Variants in ADGRG5 observed in about 807,000 individuals in gnomAD.
ADGRG5 encodes adhesion G protein-coupled receptor G5.
A neutral mutation model predicts 53.2 loss-of-function variants in ADGRG5; 37 were observed. That is an observed-to-expected ratio of 0.70 (90% confidence interval 0.53 to 0.91). The LOEUF (loss-of-function observed/expected upper bound fraction) is 0.91. ADGRG5 is among the 40% of genes least tolerant of loss of function. ADGRG5 has a pLI of 0.00. For synonymous variants in ADGRG5, 277 were observed against 290.4 expected (o/e 0.95, Z 0.47); for missense variants, 614 against 675.8 (o/e 0.91, Z 1.01).
intron 11 of ADGRG5, 69 bp downstream of exon 11, chr16:57,575,161 C>G: frequency 6.6e-7 from 1 of 1,522,816 alleles, no homozygotes; most frequent in Non-Finnish European, 8.9e-7. Flanking sequence ...ATGTTCACTG[C>G]TAAAGGGGTT....
chr16:57,567,852 G>A lies in ADGRG5; in HGVS notation c.822-4G>A, dbSNP rs752802850. The stretch of plus-strand genomic sequence containing the variant: ...GCCATGGAGGACCATTCTCTCACCT[G>A]CAGGAAGCAGAGTGACTCCTTAACA... On this transcript the variant is annotated splice_polypyrimidine_tract_variant and splice_region_variant and intron_variant, in intron 8 of 11. Transcript: ENST00000349457. 6.2e-7 allele frequency: 1 copy of A among 1,605,920 alleles called. No individual in the cohort carries two copies. The highest frequency in any genetic ancestry group is 8.5e-7 in the Non-Finnish European group (1 of 1,178,176).
chr16:57,534,933 A>G, the ADGRG5 span, among the ~76,000 whole-genome samples: 1 of 152,280 alleles, frequency 6.6e-6, no homozygotes, highest in East Asian at 1.9e-4. Context: ...GTCTCTCCAT[A>G]TCAGTGAGAG....
At chr16:57,545,860 C>G (rs1437551109) in intron 1 of ADGRG5, among the ~76,000 whole-genome samples, 1 of 152,186 alleles carries the variant, frequency 6.6e-6, no homozygotes, top group Non-Finnish European at 1.5e-5. Flanking sequence ...GAGTCTTGCT[C>G]TGTCACCCAG....
rs58802843 is a variant in ADGRG5 at position 57,549,982 on chromosome 16, A to AT, written c.-39+7292dup. On this transcript the variant is annotated intron_variant, in intron 1 of 11. Coordinates refer to ENST00000349457, the MANE Select transcript of ADGRG5 (RefSeq NM_001304376.3). ...CTCATGTGCTTATTTGCATCTATAC[A>AT]TTTTTTTTTTTAACATGTAGTTCCA... is the stretch of plus-strand genomic sequence containing the variant. Among the ~76,000 whole-genome samples, 12 of 150,126 alleles carry AT rather than the reference A, an allele frequency of 8.0e-5. 1 individual carries two copies. Among genetic ancestry groups the AT allele is most frequent in the African/African-American group, 1.2e-4 (5 of 40,822 alleles).
rs757380900 is a variant in ADGRG5, at chr16:57,574,822, G to A, written c.1216G>A (p.Val406Met). The change falls in exon 11 of 12, where the codon GTG becomes ATG. Residue 406 changes from valine (V) to methionine (M), a missense_variant. Transcript: ENST00000349457. This position sits in a 1 kb window ranked among gnomAD's most constrained non-coding sequence, Gnocchi z 4.4. ...TGFQNMSICW[V>M]RSPVVHSVLV... ...CGTCACCCTCCCCTGCAGATGCTGG[G>A]TGCGGAGCCCCGTGGTGCACAGTGT... 1.5e-5 allele frequency: 24 copies of A among 1,578,626 alleles called. No individual in the cohort carries two copies. The South Asian group carries it at 2.6e-4, about 17-fold the overall frequency.
intron 6 of ADGRG5, chr16:57,566,218 C>T (rs2146807317): frequency 5.8e-6 from 1 of 173,156 alleles, no homozygotes; most frequent in South Asian, 2.0e-4. Context: ...GGTCTGAGCA[C>T]ATTGCTGTTC....
At position 57,566,309 on chromosome 16, in the gene ADGRG5, C is replaced by T. The variant is rs187692885; in HGVS notation, c.547-290C>T. 167 of 313,180 alleles carry T rather than the reference C, an allele frequency of 5.3e-4. No homozygotes were observed. The East Asian group carries it at 8.2e-3, about 15-fold the overall frequency. 19.4% of individuals were successfully genotyped at this position (313,180 alleles called of 1,614,324 possible). A position where few individuals can be genotyped will look rare whatever the true frequency, so the allele number is the denominator to read the frequency against. On this transcript the variant is annotated intron_variant, in intron 6 of 11. Transcript: ENST00000349457. ...GGCCAGAGCTGGACACTCAAGATTC[C>T]GTGTTGCCCTTTGTTTTTCCACCAT...
chr16:57,551,687 C>T (rs984177385), intron 1 of ADGRG5, among the ~76,000 whole-genome samples: 1 of 152,222 alleles, frequency 6.6e-6, no homozygotes, highest in Non-Finnish European at 1.5e-5. Context: ...AGCATGGAAT[C>T]AACCTCTTCC....
At chr16:57,563,390 T>A in intron 4 of ADGRG5, 143 bp downstream of exon 4, 1 of 712,784 alleles carries the variant, frequency 1.4e-6, no homozygotes, top group East Asian at 2.7e-5. Context: ...TGGCAGTGAG[T>A]TGCCTCCTCT....
At chr16:57,535,451 C>T in the ADGRG5 span, among the ~76,000 whole-genome samples, 4 of 152,264 alleles carry the variant, frequency 2.6e-5, no homozygotes, top group African/African-American at 2.4e-5. Flanking sequence ...ACACCGCGGA[C>T]CAGCAGCAAG....
In ADGRG5 at chr16:57,568,133, A is replaced by G. The variant is rs2033197808; in HGVS notation, c.1090+9A>G. 1.2e-6 allele frequency: 2 copies of G among 1,613,284 alleles called. No homozygotes were observed. Among genetic ancestry groups the G allele is most frequent in the Non-Finnish European group, 1.7e-6 (2 of 1,179,428 alleles). ...TGGTGTGCTAGGCTGGGGTAAGCACATCATCTCTCCTCGCCTCCTCAGACT... is the reference window on the plus strand; with the variant it reads ...TGGTGTGCTAGGCTGGGGTAAGCACGTCATCTCTCCTCGCCTCCTCAGACT... On this transcript the variant is annotated intron_variant, in intron 9 of 11. Coordinates refer to ENST00000349457, the MANE Select transcript of ADGRG5 (RefSeq NM_001304376.3).
At chr16:57,550,696 G>A (rs2032725740) in intron 1 of ADGRG5, among the ~76,000 whole-genome samples, 1 of 152,120 alleles carries the variant, frequency 6.6e-6, no homozygotes, top group African/African-American at 2.4e-5. Flanking sequence ...TGGTAATAAA[G>A]TGAGTCACAC....
At chr16:57,530,667 G>A in the ADGRG5 span, among the ~76,000 whole-genome samples, 1 of 152,062 alleles carries the variant, frequency 6.6e-6, no homozygotes. Context: ...GAGGACAGAG[G>A]GGTTCTCCTT....
chr16:57,533,480 T>TCG, the ADGRG5 span, among the ~76,000 whole-genome samples: 2 of 144,736 alleles, frequency 1.4e-5, no homozygotes, highest in Non-Finnish European at 3.0e-5. Context: ...ATGCACACAT[T>TCG]CACACACACA....
chr16:57,567,917 A>T lies in ADGRG5; in HGVS notation c.883A>T (p.Asn295Tyr), dbSNP rs915437468. 1 of 1,613,614 alleles carries T rather than the reference A, an allele frequency of 6.2e-7. No homozygotes were observed. Among genetic ancestry groups the T allele is most frequent in the African/African-American group, 1.3e-5 (1 of 74,972 alleles). ...MNLHASVLLL[N>Y]IAFLLSPAFA... ...CCTGCATGCCTCCGTGCTGCTCCTG[A>T]ACATCGCCTTCCTGCTGAGCCCCGC... is the stretch of plus-strand genomic sequence containing the variant. The change falls in exon 9 of 12, where the codon AAC (asparagine) becomes TAC (tyrosine). Residue 295 changes from asparagine to tyrosine, a missense_variant. Asn to Tyr is a moderately radical substitution (Grantham distance 143, BLOSUM62 -2). Transcript: ENST00000349457.
rs1330964641 is a variant in ADGRG5, at chr16:57,574,777, G to A, written c.1209-38G>A. ...GATGCTGGCCTCCCCGCGGGCCTGG[G>A]AGCCACTGTGAGCCTGACACGTCAC... is the stretch of plus-strand genomic sequence containing the variant. On this transcript the variant is annotated intron_variant, in intron 10 of 11. Transcript: ENST00000349457. The surrounding 1 kb of genome is among the most constrained non-coding windows in gnomAD (Gnocchi z 4.4). 1.4e-5 allele frequency: 22 copies of A among 1,530,324 alleles called. No homozygotes were observed. Among genetic ancestry groups the A allele is most frequent in the Non-Finnish European group, 1.8e-5 (21 of 1,139,172 alleles). 94.8% of individuals were successfully genotyped at this position (1,530,324 alleles called of 1,614,324 possible).
At position 57,576,524 on chromosome 16, in the gene ADGRG5, A is replaced by G. The variant is rs923687501; in HGVS notation, c.*986A>G. On this transcript the variant is annotated 3_prime_UTR_variant, in exon 12 of 12. Transcript: ENST00000349457. ...CCCAGACCTTCATGAGACAGTGCTC[A>G]TGAAGCCAGTGCGTTTCCCAGAACG... 1.8e-4 allele frequency: 28 copies of G among 152,210 alleles called. No homozygotes were observed. Among genetic ancestry groups the G allele is most frequent in the African/African-American group, 6.3e-4 (26 of 41,512 alleles). The allele number at this position is 152,210 out of a possible 1,614,324, so 9.4% of individuals were successfully genotyped here.
At chr16:57,542,124 G>A (rs1265474850), upstream of ADGRG5, among the ~76,000 whole-genome samples, 1 of 152,216 alleles carries the variant, frequency 6.6e-6, no homozygotes, top group East Asian at 1.9e-4. Context: ...AGGGGAAACA[G>A]GTTCAGAGAG....
intron 1 of ADGRG5, among the ~76,000 whole-genome samples, chr16:57,556,231 G>A (rs2032880684): frequency 6.6e-6 from 1 of 152,144 alleles, no homozygotes; most frequent in Non-Finnish European, 1.5e-5. Flanking sequence ...AAGACAGTAT[G>A]TAGTTAGGTT....
Sources: gnomAD v4.1 joint callset for allele counts (sites outside exome capture counted in the v4.1 genomes callset) on GRCh38, gnomAD v4.1.1 for gene constraint, Gnocchi (gnomAD v3.1) non-coding constraint, MANE v1.5 for transcripts, NCBI Gene and HGNC (gene_info 2026-07-23, HGNC 2026-07-21) for gene names.